The following FAM168A variants were observed in gnomAD, a reference collection of about 807,000 sequenced individuals.
FAM168A encodes the protein protein FAM168A.
A neutral mutation model predicts 28.5 loss-of-function variants in FAM168A; 3 were observed. That is an observed-to-expected ratio of 0.11 (90% CI 0.05 to 0.27). The LOEUF (loss-of-function observed/expected upper bound fraction) is 0.27. FAM168A is among the 10% of genes least tolerant of loss of function. FAM168A has a pLI of 1.00. For missense variants in FAM168A, 222 were observed against 311.5 expected, an observed-to-expected ratio of 0.71 and a Z score of 2.16; for synonymous variants, 122 against 124.2, an observed-to-expected ratio of 0.98 and a Z score of 0.12.
intron 1 of FAM168A, among the ~76,000 whole-genome samples, chr11:73,493,706 C>A (rs1854808657): frequency 6.6e-6 from 1 of 152,188 alleles, no homozygotes; most frequent in Non-Finnish European, 1.5e-5. Context: ...CATGAGCCAC[C>A]ATGCGCAGCC....
intron 1 of FAM168A, among the ~76,000 whole-genome samples, chr11:73,565,977 T>TC (rs911007273): frequency 6.6e-6 from 1 of 152,144 alleles, no homozygotes; most frequent in African/African-American, 2.4e-5. Flanking sequence ...CAGCATTAAT[T>TC]CCCCCCTTTC....
chr11:73,411,335 C>T, intron 5 of FAM168A, 59 bp downstream of exon 5: 1 of 1,531,856 alleles, frequency 6.5e-7, no homozygotes, highest in East Asian at 2.3e-5. Flanking sequence ...CCCCACCACA[C>T]TGCACCCAGG....
chr11:73,477,921 G>GTAGATAGA (rs35031500), intron 1 of FAM168A, among the ~76,000 whole-genome samples: 206 of 147,310 alleles, frequency 1.4e-3, no homozygotes, highest in Middle Eastern at 3.4e-3. Flanking sequence ...AAGCTGATAT[G>GTAGATAGA]TAGATAGATA....
intron 2 of FAM168A, among the ~76,000 whole-genome samples, chr11:73,454,095 G>C (rs1311647591): frequency 6.6e-6 from 1 of 152,152 alleles, no homozygotes; most frequent in Non-Finnish European, 1.5e-5. Flanking sequence ...CTGTAGGAGA[G>C]GGCGCTGAGT....
At chr11:73,558,734 C>T (rs1241344893) in intron 1 of FAM168A, among the ~76,000 whole-genome samples, 1 of 151,832 alleles carries the variant, frequency 6.6e-6, no homozygotes, top group African/African-American at 2.4e-5. Context: ...AAGTCAAAAC[C>T]ATAAGATATA....
intron 1 of FAM168A, among the ~76,000 whole-genome samples, chr11:73,524,085 T>C (rs1207032736): frequency 6.6e-6 from 1 of 152,168 alleles, no homozygotes; most frequent in Non-Finnish European, 1.5e-5. Context: ...TGAAAATCCT[T>C]TCCTCTCAGA....
intron 1 of FAM168A, among the ~76,000 whole-genome samples, chr11:73,473,584 T>C (rs1867844793): frequency 6.6e-6 from 1 of 152,196 alleles, no homozygotes. Context: ...TCAATCACAA[T>C]GACTTCCTTG....
intron 1 of FAM168A, among the ~76,000 whole-genome samples, chr11:73,551,435 A>G (rs1025065382): frequency 6.6e-6 from 1 of 152,222 alleles, no homozygotes; most frequent in Non-Finnish European, 1.5e-5. Flanking sequence ...CCATTCGTCT[A>G]TGCCTCTCAA....
rs1416656012 is a variant in FAM168A at position 73,439,168 on chromosome 11, ATAGCCT to A, written c.71-8404_71-8399del. ...CCTGTCCACCAGACCTGAATCTAAG[ATAGCCT>A]GTATATTAGATTCAAGGCCCAGCCA... On this transcript the variant is annotated intron_variant, in intron 2 of 7. Transcript: ENST00000356467. Among the ~76,000 whole-genome samples the A allele has an allele frequency of 3.3e-5, 5 of 152,248 alleles. No individual in the cohort carries two copies. The East Asian group carries it at 9.6e-4, about 29-fold the overall frequency.
chr11:73,473,806 C>T (rs1474766005), intron 1 of FAM168A, among the ~76,000 whole-genome samples: 2 of 151,972 alleles, frequency 1.3e-5, no homozygotes, highest in Non-Finnish European at 2.9e-5. Flanking sequence ...TCTGTTCTCT[C>T]ATCCTTTCTT....
intron 1 of FAM168A, among the ~76,000 whole-genome samples, chr11:73,596,240 A>C (rs1354063450): frequency 6.6e-6 from 1 of 152,216 alleles, no homozygotes; most frequent in Non-Finnish European, 1.5e-5. Context: ...AAGCTCATCA[A>C]ATCTATTTAA....
At chr11:73,407,490 T>C in intron 7 of FAM168A, 23 bp downstream of exon 7, 2 of 1,501,448 alleles carry the variant, frequency 1.3e-6, no homozygotes, top group Non-Finnish European at 1.8e-6. Context: ...CCCTCCCACT[T>C]CTCTCACCCT....
chr11:73,505,307 C>T (rs1855088012), intron 1 of FAM168A, among the ~76,000 whole-genome samples: 1 of 151,000 alleles, frequency 6.6e-6, no homozygotes, highest in Non-Finnish European at 1.5e-5. Flanking sequence ...GGCTCCACTG[C>T]TAACCTTCTT....
intron 1 of FAM168A, among the ~76,000 whole-genome samples, chr11:73,475,494 CA>C (rs1867875820): frequency 6.6e-6 from 1 of 151,734 alleles, no homozygotes; most frequent in Non-Finnish European, 1.5e-5. Context: ...TGTGTTTGCC[CA>C]AAAGAGGATA....
At chr11:73,538,455 T>C (rs563482366) in intron 1 of FAM168A, among the ~76,000 whole-genome samples, 7 of 152,166 alleles carry the variant, frequency 4.6e-5, no homozygotes, top group African/African-American at 1.7e-4. Flanking sequence ...TGTTGATAGA[T>C]CTCCATTCCA....
rs1254760513 is a variant in FAM168A at position 73,409,598 on chromosome 11, C to T, written c.484G>A (p.Val162Ile). 3 of 1,613,858 alleles carry T rather than the reference C, an allele frequency of 1.9e-6. No homozygotes were observed. Among genetic ancestry groups the T allele is most frequent in the Non-Finnish European group, 8.5e-7 (1 of 1,179,872 alleles). Residue 162 changes from valine to isoleucine, a missense_variant, in exon 6 of 8, where the codon GTC becomes ATC. Coordinates refer to ENST00000356467, the MANE Select transcript of FAM168A (RefSeq NM_015159.3). ...GCAGAGGGAATGCTGTTGGGCTGGA[C>T]GACCGTGGTATGGTGGATGACATGA... ...QPHVIHHTTV[V>I]QPNSIPSAIY...
intron 1 of FAM168A, among the ~76,000 whole-genome samples, chr11:73,552,899 G>A (rs1232963288): frequency 6.6e-6 from 1 of 152,208 alleles, no homozygotes; most frequent in East Asian, 1.9e-4. Context: ...AGAGGTTGCA[G>A]TGAGCCGAGA....
chr11:73,460,813 A>T (rs1181327490), intron 2 of FAM168A, among the ~76,000 whole-genome samples: 3 of 152,176 alleles, frequency 2.0e-5, no homozygotes, highest in Admixed American at 6.5e-5. Flanking sequence ...CCCTCAAAGC[A>T]CTTTTGAAGT....
At chr11:73,526,543 A>C (rs945516483) in intron 1 of FAM168A, among the ~76,000 whole-genome samples, 1 of 152,154 alleles carries the variant, frequency 6.6e-6, no homozygotes, top group Non-Finnish European at 1.5e-5. Flanking sequence ...AAGAGTAGCT[A>C]ACTTGCTTAT....
Sources: allele counts gnomAD v4.1 joint callset (sites outside exome capture counted in the v4.1 genomes callset), GRCh38; gene constraint gnomAD v4.1.1; transcripts MANE v1.5; gene names NCBI Gene and HGNC (gene_info 2026-07-23, HGNC 2026-07-21).